The following EYS variants were observed in gnomAD, a reference collection of about 807,000 sequenced individuals.
The protein encoded by EYS is protein eyes shut homolog.
Under a neutral mutation model 282.1 loss-of-function variants are expected in EYS, and 250 were observed. The observed-to-expected ratio is 0.89, with a 90% confidence interval of 0.80 to 0.98. The LOEUF is 0.98. Among genes scored for constraint, EYS ranks in the 50% least tolerant of loss-of-function variants. EYS has a pLI of 0.00. For missense variants in EYS, 4,016 were observed against 3,709.0 expected (o/e 1.08, Z -2.15); for synonymous variants, 1,355 against 1,282.9 (o/e 1.06, Z -1.20).
At chr6:64,342,891 G>A in intron 29 of EYS, among the ~76,000 whole-genome samples, 1 of 152,050 alleles carries the variant, frequency 6.6e-6, no homozygotes, top group Non-Finnish European at 1.5e-5. Flanking sequence ...ACAAAAAAAG[G>A]CAGGGGTTGC....
intron 34 of EYS, among the ~76,000 whole-genome samples, chr6:63,995,477 T>C (rs963429755): frequency 6.6e-6 from 1 of 152,070 alleles, no homozygotes; most frequent in South Asian, 2.1e-4. Flanking sequence ...GTAGCCACTG[T>C]AGAAAACAGT....
rs1773900298 is a variant in EYS, at chr6:64,129,641, C to T, written c.6425-47639G>A. Among the ~76,000 whole-genome samples, 4 of 152,078 alleles carry T rather than the reference C, an allele frequency of 2.6e-5. No individual in the cohort carries two copies. The South Asian group carries it at 8.3e-4, about 32-fold the overall frequency. The stretch of plus-strand genomic sequence containing the variant: ...CAGAAGCTCCTTAGTTTAATTAGAT[C>T]CCATTTGTCAATTTTGGCTTTTGTT... On this transcript the variant is annotated intron_variant, in intron 31 of 42. Coordinates refer to ENST00000503581, the MANE Select transcript of EYS (RefSeq NM_001142800.2).
At chr6:63,738,117 G>C (rs1427562372) in intron 41 of EYS, among the ~76,000 whole-genome samples, 1 of 152,144 alleles carries the variant, frequency 6.6e-6, no homozygotes, top group East Asian at 1.9e-4. Context: ...GGAGAAATAG[G>C]AACACTTTTA....
chr6:65,444,605 G>C (rs1353926272), intron 5 of EYS, among the ~76,000 whole-genome samples: 1 of 144,230 alleles, frequency 6.9e-6, no homozygotes, highest in East Asian at 2.1e-4. Context: ...TTAAATATTG[G>C]GTTTTGTTGT....
At chr6:64,898,233 C>T (rs1583273624) in intron 18 of EYS, among the ~76,000 whole-genome samples, 1 of 152,080 alleles carries the variant, frequency 6.6e-6, no homozygotes, top group Non-Finnish European at 1.5e-5. Flanking sequence ...CAAAGGGAGC[C>T]CATCAGACTA....
chr6:63,969,970 G>A (rs552688199), intron 35 of EYS, among the ~76,000 whole-genome samples: 1 of 152,308 alleles, frequency 6.6e-6, no homozygotes, highest in African/African-American at 2.4e-5. Context: ...GTCCTGAGTT[G>A]AGCACAAGTG....
chr6:63,904,591 A>G (rs1431811604), intron 35 of EYS, among the ~76,000 whole-genome samples: 3 of 152,182 alleles, frequency 2.0e-5, no homozygotes, highest in African/African-American at 7.2e-5. Flanking sequence ...CTCTGGGAAG[A>G]TGAGCAAGTA....
At position 64,359,489 on chromosome 6, in the gene EYS, C is replaced by T. The variant is rs553905609; in HGVS notation, c.6078+29201G>A. Among the ~76,000 whole-genome samples the T allele has an allele frequency of 2.6e-5, 4 of 151,832 alleles. No homozygotes were observed. In the East Asian group the frequency reaches 7.8e-4, roughly 30 times the overall value. ...TCTTAGACTCTGAAATACATTCGTA[C>T]TTTACAATAAAATCTGTCTTCCTAT... On this transcript the variant is annotated intron_variant, in intron 29 of 42. Transcript: ENST00000503581.
chr6:64,337,309 C>A (rs922190739), intron 29 of EYS, among the ~76,000 whole-genome samples: 1 of 151,906 alleles, frequency 6.6e-6, no homozygotes, highest in African/African-American at 2.4e-5. Flanking sequence ...CTACAACAGA[C>A]ACCACTGAAA....
At chr6:64,270,213 C>T (rs1421322912) in intron 30 of EYS, among the ~76,000 whole-genome samples, 1 of 152,076 alleles carries the variant, frequency 6.6e-6, no homozygotes, top group Non-Finnish European at 1.5e-5. Context: ...TGGTTCACTG[C>T]AGCAAAGTAT....
At chr6:64,159,286 C>T (rs907028054) in intron 31 of EYS, among the ~76,000 whole-genome samples, 3 of 152,018 alleles carry the variant, frequency 2.0e-5, no homozygotes, top group Non-Finnish European at 2.9e-5. Context: ...ACAGGTCAGG[C>T]GCGGTGGCTC....
chr6:65,386,322 A>G (rs1304577069), intron 7 of EYS, among the ~76,000 whole-genome samples: 1 of 151,900 alleles, frequency 6.6e-6, no homozygotes, highest in Non-Finnish European at 1.5e-5. Context: ...TAATACCTGG[A>G]TGATAAAATA....
At chr6:63,835,545 G>T (rs184077308) in intron 36 of EYS, among the ~76,000 whole-genome samples, 1 of 152,070 alleles carries the variant, frequency 6.6e-6, no homozygotes, top group East Asian at 1.9e-4. Flanking sequence ...GATGCAAAGG[G>T]ATAAGAATGA....
chr6:63,835,994 T>A (rs1463340176), intron 36 of EYS, among the ~76,000 whole-genome samples: 1 of 152,098 alleles, frequency 6.6e-6, no homozygotes, highest in African/African-American at 2.4e-5. Context: ...GACATTTGAG[T>A]TGCTCCCATT....
intron 18 of EYS, among the ~76,000 whole-genome samples, chr6:64,889,927 C>A (rs992891883): frequency 1.3e-5 from 2 of 151,868 alleles, no homozygotes; most frequent in East Asian, 1.9e-4. Context: ...CTGGGTGGAA[C>A]GGAGCCATAT....
At chr6:64,295,878 A>G (rs1393255938) in intron 30 of EYS, among the ~76,000 whole-genome samples, 1 of 152,186 alleles carries the variant, frequency 6.6e-6, no homozygotes, top group Admixed American at 6.5e-5. Flanking sequence ...ACAATACTTA[A>G]AAACTTTTCT....
At chr6:65,188,582 G>A (rs1765566881) in intron 12 of EYS, among the ~76,000 whole-genome samples, 1 of 151,462 alleles carries the variant, frequency 6.6e-6, no homozygotes, top group Admixed American at 6.6e-5. Context: ...AATGCACACA[G>A]CAAAGGAGAA....
intron 5 of EYS, among the ~76,000 whole-genome samples, chr6:65,427,900 T>A (rs1767724987): frequency 1.3e-5 from 2 of 152,046 alleles, no homozygotes; most frequent in Non-Finnish European, 2.9e-5. Flanking sequence ...ATAGATGATA[T>A]CAAGAACATG....
At chr6:65,371,599 G>C (rs1345334858) in intron 8 of EYS, among the ~76,000 whole-genome samples, 1 of 151,814 alleles carries the variant, frequency 6.6e-6, no homozygotes, top group African/African-American at 2.4e-5. Flanking sequence ...TTATTGTAGA[G>C]CAAACCAGGA....
Sources: allele counts gnomAD v4.1 joint callset (sites outside exome capture counted in the v4.1 genomes callset), GRCh38; gene constraint gnomAD v4.1.1; transcripts MANE v1.5; gene names NCBI Gene and HGNC (gene_info 2026-07-23, HGNC 2026-07-21).